Variants in KIAA1549 observed in about 807,000 individuals in gnomAD.
The protein encoded by KIAA1549 is UPF0606 protein KIAA1549.
KIAA1549 carries 70 observed loss-of-function variants against 156.4 expected under a neutral mutation model. The ratio of observed to expected loss-of-function variants is 0.45; its 90% confidence interval spans 0.37 to 0.55. The LOEUF is 0.55. KIAA1549 is among the 20% of genes least tolerant of loss of function. The pLI is 0.00. For missense variants in KIAA1549, 2,428 were observed against 2,540.9 expected (o/e 0.96, Z 0.96); for synonymous variants, 1,103 against 1,066.4 (o/e 1.03, Z -0.67).
chr7:138,963,688 A>G (rs1813924284), intron 1 of KIAA1549, among the ~76,000 whole-genome samples: 1 of 152,206 alleles, frequency 6.6e-6, no homozygotes, highest in Non-Finnish European at 1.5e-5. Context: ...TAGTTTTTGA[A>G]CAAAGTACTC....
intron 15 of KIAA1549, among the ~76,000 whole-genome samples, chr7:138,866,152 A>T (rs957984571): frequency 5.3e-5 from 8 of 152,202 alleles, no homozygotes; most frequent in Non-Finnish European, 1.0e-4. Context: ...GTACTGAGGA[A>T]GACAGTAGTT....
intron 8 of KIAA1549, among the ~76,000 whole-genome samples, chr7:138,902,838 A>G (rs1310082399): frequency 6.6e-6 from 1 of 152,102 alleles, no homozygotes; most frequent in East Asian, 1.9e-4. Flanking sequence ...AAAAAGCTCA[A>G]GTGAAGAGAG....
chr7:138,920,940 T>C (rs1812547800), intron 1 of KIAA1549, among the ~76,000 whole-genome samples: 1 of 152,208 alleles, frequency 6.6e-6, no homozygotes, highest in African/African-American at 2.4e-5. Context: ...TTAAAAACCA[T>C]CTTCTAAGTG....
chr7:138,953,300 G>A (rs958473158), intron 1 of KIAA1549, among the ~76,000 whole-genome samples: 6 of 152,146 alleles, frequency 3.9e-5, no homozygotes, highest in African/African-American at 7.2e-5. Context: ...AGGCTGCAGT[G>A]AACTGAAATC....
chr7:138,940,425 T>C (rs1195941024), intron 1 of KIAA1549, among the ~76,000 whole-genome samples: 1 of 149,834 alleles, frequency 6.7e-6, no homozygotes, highest in East Asian at 1.9e-4. Context: ...TGTTGGACAT[T>C]TGGGTTGGTT....
chr7:138,897,781 T>TA (rs1270343057), intron 9 of KIAA1549, among the ~76,000 whole-genome samples: 1 of 149,806 alleles, frequency 6.7e-6, no homozygotes, highest in Non-Finnish European at 1.5e-5. Flanking sequence ...TGGTCCTAGC[T>TA]ACTCAGGAGG....
At chr7:138,853,967 C>T (rs1184897228) in intron 16 of KIAA1549, among the ~76,000 whole-genome samples, 2 of 152,094 alleles carry the variant, frequency 1.3e-5, no homozygotes, top group Admixed American at 1.3e-4. Context: ...AAATAGCTGT[C>T]CGCTTATTAT....
intron 10 of KIAA1549, among the ~76,000 whole-genome samples, chr7:138,892,945 T>C (rs780575652): frequency 9.2e-5 from 14 of 152,212 alleles, no homozygotes; most frequent in Non-Finnish European, 1.6e-4. Context: ...GGAAAGTGCA[T>C]GTTAATCCAG....
At chr7:138,909,936 G>T (rs1434499711) in intron 4 of KIAA1549, among the ~76,000 whole-genome samples, 6 of 152,012 alleles carry the variant, frequency 3.9e-5, no homozygotes, top group Non-Finnish European at 8.8e-5. Context: ...AACAAAGCAA[G>T]ACTCCAGCTC....
At chr7:138,898,842 A>G in intron 9 of KIAA1549, 113 bp downstream of exon 9, 1 of 888,304 alleles carries the variant, frequency 1.1e-6, no homozygotes, top group Non-Finnish European at 1.8e-6. Context: ...GCACTTCACC[A>G]TCAGGGTTAT....
At chr7:138,902,939 A>G (rs1229302979) in intron 8 of KIAA1549, among the ~76,000 whole-genome samples, 1 of 152,198 alleles carries the variant, frequency 6.6e-6, no homozygotes, top group Non-Finnish European at 1.5e-5. Context: ...AAATGTTTAC[A>G]GTGATCTTCT....
At chr7:138,965,316 T>C (rs1051438624) in intron 1 of KIAA1549, among the ~76,000 whole-genome samples, 2 of 152,156 alleles carry the variant, frequency 1.3e-5, no homozygotes, top group Admixed American at 6.5e-5. Context: ...ATAAAGATAC[T>C]GTACTCTCAA....
intron 10 of KIAA1549, among the ~76,000 whole-genome samples, chr7:138,893,309 TG>T (rs112062353): frequency 0.013 from 1,898 of 150,758 alleles, 45 homozygotes; most frequent in African/African-American, 0.044. Context: ...AGATAGGGAG[TG>T]GGGGGAGGTA....
rs752668097 is a variant in KIAA1549 at position 138,906,998 on chromosome 7, T to C, written c.3381A>G (p.Glu1127=). ...TCAAGTTTCTGAGCAGCTCGCTCAC[T>C]TCCGACCCATTCAAAAATCCCTGTG... ...KSTQGFLNGS[E]VSELLRNLSV... Residue 1127 remains glutamate, a synonymous_variant, in exon 6 of 20, where the codon GAA becomes GAG. Transcript: ENST00000422774. 12 of 1,613,546 alleles carry C rather than the reference T, an allele frequency of 7.4e-6. No homozygotes were observed. Among genetic ancestry groups the C allele is most frequent in the Non-Finnish European group, 8.5e-6 (10 of 1,179,718 alleles).
At chr7:138,933,678 A>C (rs1812932189) in intron 1 of KIAA1549, among the ~76,000 whole-genome samples, 1 of 152,252 alleles carries the variant, frequency 6.6e-6, no homozygotes, top group Non-Finnish European at 1.5e-5. Flanking sequence ...AAATTCTTGC[A>C]AAATAGACCA....
rs1028516005 is a variant in KIAA1549 at position 138,833,267 on chromosome 7, T to C, written c.*4639A>G. 3.0e-5 allele frequency: 7 copies of C among 232,628 alleles called. No homozygotes were observed. The highest frequency in any genetic ancestry group is 1.3e-4 in the African/African-American group (6 of 45,314). 14.4% of individuals were successfully genotyped at this position (232,628 alleles called of 1,614,324 possible). On this transcript the variant is annotated 3_prime_UTR_variant, in exon 20 of 20. Transcript: ENST00000422774. ...TCCTTCCAAACGACAAATTCATTCA[T>C]GTCTGAGAATCTAGTGTGAAAGGGA... is the stretch of plus-strand genomic sequence containing the variant.
chr7:138,858,992 C>T lies in KIAA1549; in HGVS notation c.5247+2147G>A, dbSNP rs981371879. 5.7e-5 allele frequency among the ~76,000 whole-genome samples: 8 copies of T among 140,416 alleles called. No homozygotes were observed. The East Asian group carries it at 1.3e-3, about 23-fold the overall frequency. The allele number at this position is 140,416 out of a possible 152,430, so 92.1% of individuals were successfully genotyped here. A position where few individuals can be genotyped will look rare whatever the true frequency, so the allele number is the denominator to read the frequency against. On this transcript the variant is annotated intron_variant, in intron 16 of 19. Transcript: ENST00000422774. ...CTGCACTCCAGCCTGGGTGACAGAG[C>T]GAGACTCCATCTCAAAACACACACA...
intron 9 of KIAA1549, 138 bp downstream of exon 9, chr7:138,898,817 G>C (rs1464291844): frequency 2.7e-6 from 2 of 736,526 alleles, no homozygotes; most frequent in African/African-American, 3.6e-5. Context: ...CTTGGTGAAT[G>C]AATTTTAACA....
intron 1 of KIAA1549, among the ~76,000 whole-genome samples, chr7:138,960,403 G>A (rs1324795440): frequency 4.6e-5 from 2 of 43,170 alleles, no homozygotes; most frequent in Admixed American, 1.6e-4. Flanking sequence ...TCTGCCCCCC[G>A]GTTCAAGCGA....
Sources: gnomAD v4.1 joint callset for allele counts (sites outside exome capture counted in the v4.1 genomes callset) on GRCh38, gnomAD v4.1.1 for gene constraint, MANE v1.5 for transcripts, NCBI Gene and HGNC (gene_info 2026-07-23, HGNC 2026-07-21) for gene names.